The following LINGO2 variants were observed in gnomAD, a reference collection of about 807,000 sequenced individuals.
LINGO2 encodes leucine-rich repeat and immunoglobulin-like domain-containing nogo receptor-interacting protein 2.
LINGO2 carries 14 observed loss-of-function variants against 30.6 expected under a neutral mutation model. The ratio of observed to expected loss-of-function variants is 0.46; its 90% CI spans 0.30 to 0.72. The LOEUF is 0.72. LINGO2 is among the 30% of genes least tolerant of loss of function. The probability of loss-of-function intolerance (pLI) is 0.07; values close to 1 mark genes in which losing one functional copy is unlikely to be tolerated. For synonymous variants in LINGO2, 317 were observed against 288.5 expected (o/e 1.10, Z -1.00); for missense variants, 729 against 751.7 (o/e 0.97, Z 0.35).
At chr9:28,890,042 T>C in the LINGO2 span, among the ~76,000 whole-genome samples, 1 of 152,074 alleles carries the variant, frequency 6.6e-6, no homozygotes, top group Non-Finnish European at 1.5e-5. Flanking sequence ...TAAAATTTCA[T>C]GCACTCATGC....
chr9:28,527,687 C>T (rs1279544940), intron 1 of LINGO2, among the ~76,000 whole-genome samples: 1 of 152,142 alleles, frequency 6.6e-6, no homozygotes. Flanking sequence ...GCTCCCTTAA[C>T]ACTGTGTGCT....
chr9:28,594,241 G>A (rs2135718104), intron 1 of LINGO2, among the ~76,000 whole-genome samples: 1 of 152,110 alleles, frequency 6.6e-6, no homozygotes, highest in Admixed American at 6.6e-5. Context: ...TTTTTCTTCT[G>A]TGGTCTTTGC....
intron 5 of LINGO2, among the ~76,000 whole-genome samples, chr9:27,997,496 T>A (rs1203105373): frequency 6.6e-6 from 1 of 152,098 alleles, no homozygotes; most frequent in Admixed American, 6.5e-5. Context: ...CTGCCCCTTG[T>A]TGGGCCTCAG....
the LINGO2 span, among the ~76,000 whole-genome samples, chr9:28,862,857 T>C: frequency 6.6e-6 from 1 of 152,092 alleles, no homozygotes; most frequent in Non-Finnish European, 1.5e-5. Flanking sequence ...TAATCATCAA[T>C]TGTTTGATTT....
chr9:28,507,305 A>G (rs1402482766), intron 1 of LINGO2, among the ~76,000 whole-genome samples: 3 of 151,894 alleles, frequency 2.0e-5, no homozygotes, highest in African/African-American at 7.3e-5. Context: ...TAACTATGTT[A>G]TATCCTTCAA....
intron 4 of LINGO2, among the ~76,000 whole-genome samples, chr9:28,039,472 G>A (rs1295466657): frequency 6.6e-6 from 1 of 152,090 alleles, no homozygotes; most frequent in African/African-American, 2.4e-5. Context: ...CAAAGGAGAT[G>A]CCATCTAGGT....
At chr9:28,170,479 C>G (rs1306068184) in intron 4 of LINGO2, among the ~76,000 whole-genome samples, 1 of 152,098 alleles carries the variant, frequency 6.6e-6, no homozygotes, top group Non-Finnish European at 1.5e-5. Context: ...TCTCTGAGGT[C>G]TTGAGATTAT....
In LINGO2 at chr9:28,526,055, CAAAAAAAA is replaced by C. The variant is rs58629857; in HGVS notation, c.-364-50038_-364-50031del. 6.2e-5 allele frequency among the ~76,000 whole-genome samples: 3 copies of C among 48,516 alleles called. No homozygotes were observed. The East Asian group carries it at 2.3e-3, about 38-fold the overall frequency. 31.8% of individuals were successfully genotyped at this position (48,516 alleles called of 152,430 possible). ...TGGGTGACAGAGCGAGACTCCGTCT[CAAAAAAAA>C]AAAAAAAAAAAAAGCCATTGAGTTA... On this transcript the variant is annotated intron_variant, in intron 1 of 5. Transcript: ENST00000379992.
the LINGO2 span, among the ~76,000 whole-genome samples, chr9:29,066,827 T>C: frequency 6.6e-6 from 1 of 151,886 alleles, no homozygotes; most frequent in Non-Finnish European, 1.5e-5. Flanking sequence ...GTTCTTTTAC[T>C]CTTTTGCTTT....
chr9:28,020,908 T>C (rs941069414), intron 4 of LINGO2, among the ~76,000 whole-genome samples: 33 of 152,132 alleles, frequency 2.2e-4, no homozygotes, highest in Non-Finnish European at 4.9e-4. Context: ...ATATTGGTAA[T>C]TTGTGGCTTT....
chr9:29,126,681 A>G, the LINGO2 span, among the ~76,000 whole-genome samples: 1 of 152,062 alleles, frequency 6.6e-6, no homozygotes, highest in African/African-American at 2.4e-5. Flanking sequence ...CAATATGGGA[A>G]AGGGGGAAAG....
the LINGO2 span, among the ~76,000 whole-genome samples, chr9:28,880,329 G>T: frequency 2.0e-5 from 3 of 152,162 alleles, no homozygotes; most frequent in Non-Finnish European, 2.9e-5. Context: ...TTGTTAATTT[G>T]TAGCTTTGCC....
At chr9:28,222,079 T>A (rs550063156) in intron 4 of LINGO2, among the ~76,000 whole-genome samples, 1 of 152,322 alleles carries the variant, frequency 6.6e-6, no homozygotes, top group Admixed American at 6.5e-5. Flanking sequence ...ATGAATATAT[T>A]CATTTTACAA....
intron 4 of LINGO2, among the ~76,000 whole-genome samples, chr9:28,047,049 T>C (rs182158531): frequency 7.2e-5 from 11 of 152,174 alleles, no homozygotes; most frequent in South Asian, 4.1e-4. Flanking sequence ...GCTTAGCAGA[T>C]TGTAGGGAAC....
the LINGO2 span, among the ~76,000 whole-genome samples, chr9:28,827,647 A>G: frequency 0.1 from 15,492 of 152,174 alleles, 919 homozygotes; most frequent in African/African-American, 0.16. Context: ...CATGAGAGTG[A>G]TAATACGTTG....
the LINGO2 span, among the ~76,000 whole-genome samples, chr9:28,953,150 GT>G: frequency 6.6e-6 from 1 of 152,088 alleles, no homozygotes; most frequent in Non-Finnish European, 1.5e-5. Context: ...GAGACTATTG[GT>G]TCAAAGTAAA....
chr9:28,526,952 T>C (rs1821060712), intron 1 of LINGO2, among the ~76,000 whole-genome samples: 2 of 152,222 alleles, frequency 1.3e-5, no homozygotes. Context: ...TATAATGTAG[T>C]TTAAAGAATG....
the LINGO2 span, among the ~76,000 whole-genome samples, chr9:28,967,880 C>T: frequency 2.0e-5 from 3 of 152,278 alleles, no homozygotes; most frequent in East Asian, 1.9e-4. Flanking sequence ...TATGCAACTT[C>T]TTGATCATTT....
intron 4 of LINGO2, among the ~76,000 whole-genome samples, chr9:28,031,045 A>T (rs1317238906): frequency 6.6e-6 from 1 of 152,160 alleles, no homozygotes; most frequent in African/African-American, 2.4e-5. Flanking sequence ...TCCCAATTCT[A>T]ATATTGATTC....
Sources: gnomAD v4.1 joint callset for allele counts (sites outside exome capture counted in the v4.1 genomes callset) on GRCh38, gnomAD v4.1.1 for gene constraint, MANE v1.5 for transcripts, NCBI Gene and HGNC (gene_info 2026-07-23, HGNC 2026-07-21) for gene names.